The following TPD52L1 variants were observed in gnomAD, a reference collection of about 807,000 sequenced individuals.
TPD52L1 encodes tumor protein D53.
TPD52L1 carries 18 observed loss-of-function variants against 28.7 expected under a neutral mutation model. The observed-to-expected ratio is 0.63, with a 90% CI of 0.43 to 0.93. TPD52L1 has a LOEUF of 0.93. TPD52L1 is among the 40% of genes least tolerant of loss of function. The pLI is 0.00. For missense variants in TPD52L1, 203 were observed against 254.8 expected, an observed-to-expected ratio of 0.80 and a Z score of 1.39; for synonymous variants, 75 against 88.8, an observed-to-expected ratio of 0.84 and a Z score of 0.88.
rs7769781 is a variant in TPD52L1 at position 125,217,528 on chromosome 6, T to C, written c.20-2550T>C. On this transcript the variant is annotated intron_variant, in intron 1 of 6. Coordinates refer to ENST00000534000, the MANE Select transcript of TPD52L1 (RefSeq NM_003287.4). ...GAATCTAATGTTGCTACTGACCTGATGGGAGGCAGAGCTCAGGTGGTAATG... is the reference window on the plus strand; with the variant it reads ...GAATCTAATGTTGCTACTGACCTGACGGGAGGCAGAGCTCAGGTGGTAATG... 4.2e-3 allele frequency among the ~76,000 whole-genome samples: 633 copies of C among 152,214 alleles called. 4 individuals carry two copies. The highest frequency in any genetic ancestry group is 0.014 in the African/African-American group (575 of 41,542).
chr6:125,220,427 A>G (rs1795158446), intron 2 of TPD52L1, among the ~76,000 whole-genome samples: 1 of 152,232 alleles, frequency 6.6e-6, no homozygotes, highest in Admixed American at 6.5e-5. Context: ...TTAAGCAACA[A>G]TAATAACCAG....
At position 125,243,396 on chromosome 6, in the gene TPD52L1, A is replaced by C. The variant is rs150132456; in HGVS notation, c.285-4886A>C. The stretch of plus-strand genomic sequence containing the variant: ...TTTTCCCCAATTATTTCCTCAAATA[A>C]GTTTTCCAAACTAAAATTTTTCTTC... On this transcript the variant is annotated intron_variant, in intron 3 of 6. Transcript: ENST00000534000. Among the ~76,000 whole-genome samples, 252 of 152,236 alleles carry C rather than the reference A, an allele frequency of 1.7e-3. 1 individual carries two copies. The highest frequency in any genetic ancestry group is 6.0e-3 in the African/African-American group (248 of 41,566).
chr6:125,207,828 T>C (rs495191), intron 1 of TPD52L1, among the ~76,000 whole-genome samples: 35,227 of 152,128 alleles, frequency 0.23, 4,966 homozygotes, highest in African/African-American at 0.39. Flanking sequence ...GGCACTGTTG[T>C]GGACTAACTT....
At chr6:125,160,914 C>T (rs947234989) in intron 1 of TPD52L1, among the ~76,000 whole-genome samples, 1 of 149,062 alleles carries the variant, frequency 6.7e-6, no homozygotes, top group African/African-American at 2.5e-5. Flanking sequence ...TGCAGTGGCA[C>T]GATCTTGGCT....
At position 125,253,565 on chromosome 6, in the gene TPD52L1, C is replaced by T. The variant is rs141046056; in HGVS notation, c.387-152C>T. On this transcript the variant is annotated intron_variant, in intron 4 of 6. Coordinates refer to ENST00000534000, the MANE Select transcript of TPD52L1 (RefSeq NM_003287.4). ...AGCTGACTATACCCATTATACCCAA[C>T]AAAAACAAATGTCATCTTGGTTAGA... 242 of 709,486 alleles carry T rather than the reference C, an allele frequency of 3.4e-4. No individual in the cohort carries two copies. In the African/African-American group the frequency reaches 3.9e-3, roughly 11 times the overall value. The allele number at this position is 709,486 out of a possible 1,614,324, so 43.9% of individuals were successfully genotyped here.
At chr6:125,201,007 C>G (rs1302179276) in intron 1 of TPD52L1, among the ~76,000 whole-genome samples, 3 of 152,130 alleles carry the variant, frequency 2.0e-5, no homozygotes, top group Non-Finnish European at 2.9e-5. Context: ...CACATTGTTA[C>G]AGCAATTTGA....
At chr6:125,247,877 A>C (rs557186760) in intron 3 of TPD52L1, among the ~76,000 whole-genome samples, 1 of 152,174 alleles carries the variant, frequency 6.6e-6, no homozygotes, top group African/African-American at 2.4e-5. Context: ...GTAAGCTTAG[A>C]TGTACCTTCA....
At chr6:125,247,018 A>G (rs774654153) in intron 3 of TPD52L1, among the ~76,000 whole-genome samples, 1 of 152,136 alleles carries the variant, frequency 6.6e-6, no homozygotes, top group Non-Finnish European at 1.5e-5. Flanking sequence ...TACCACATTA[A>G]TAAAGTTATT....
intron 1 of TPD52L1, among the ~76,000 whole-genome samples, chr6:125,179,648 T>A (rs75653886): frequency 2.0e-5 from 3 of 152,240 alleles, no homozygotes; most frequent in Non-Finnish European, 2.9e-5. Context: ...CATTTTATCA[T>A]GCCTGTTGTA....
At chr6:125,154,483 C>A in intron 1 of TPD52L1, 1 of 985,726 alleles carries the variant, frequency 1.0e-6, no homozygotes, top group Non-Finnish European at 1.2e-6. Flanking sequence ...GACCCGCCTT[C>A]CGAGGCCAGG....
chr6:125,255,413 CT>C (rs1057211741), intron 5 of TPD52L1, among the ~76,000 whole-genome samples: 10 of 152,164 alleles, frequency 6.6e-5, no homozygotes, highest in African/African-American at 2.2e-4. Context: ...TATAATTTTA[CT>C]AACATTTCAT....
rs112350239 is a variant in TPD52L1, at chr6:125,252,083, G to A, written c.387-1634G>A. 376 of 1,534,946 alleles carry A rather than the reference G, an allele frequency of 2.4e-4. 3 individuals carry two copies. The African/African-American group carries it at 3.9e-3, about 16-fold the overall frequency. ...GTGGGGCTTTCCCCACTCCCTTGCT[G>A]CCCCTTTGCTTTCCAGGGCTCCCTG... On this transcript the variant is annotated intron_variant, in intron 4 of 6. Coordinates refer to ENST00000534000, the MANE Select transcript of TPD52L1 (RefSeq NM_003287.4).
At chr6:125,202,905 A>G (rs1464182309) in intron 1 of TPD52L1, among the ~76,000 whole-genome samples, 2 of 151,466 alleles carry the variant, frequency 1.3e-5, no homozygotes, top group African/African-American at 4.9e-5. Flanking sequence ...AGCTGGGATT[A>G]CAGGCACCCA....
At chr6:125,191,218 T>G (rs1177059238) in intron 1 of TPD52L1, among the ~76,000 whole-genome samples, 1 of 152,222 alleles carries the variant, frequency 6.6e-6, no homozygotes, top group Non-Finnish European at 1.5e-5. Flanking sequence ...CAGCCACGCT[T>G]TCTTTATTCT....
At chr6:125,171,487 C>T (rs772504904) in intron 1 of TPD52L1, among the ~76,000 whole-genome samples, 2 of 152,112 alleles carry the variant, frequency 1.3e-5, no homozygotes, top group South Asian at 2.1e-4. Context: ...AATAAGACTT[C>T]GTTTTAGCAG....
chr6:125,219,683 C>G (rs1383700438), intron 1 of TPD52L1, among the ~76,000 whole-genome samples: 1 of 152,138 alleles, frequency 6.6e-6, no homozygotes, highest in East Asian at 1.9e-4. Context: ...AGGGTGCAGC[C>G]CTTGGGGCCT....
chr6:125,243,139 C>A (rs1796714726), intron 3 of TPD52L1, among the ~76,000 whole-genome samples: 1 of 152,084 alleles, frequency 6.6e-6, no homozygotes, highest in African/African-American at 2.4e-5. Flanking sequence ...GACCCTAATC[C>A]CTTCTGGCTT....
intron 1 of TPD52L1, among the ~76,000 whole-genome samples, chr6:125,174,129 G>T (rs1791680310): frequency 6.6e-6 from 1 of 152,188 alleles, no homozygotes; most frequent in Non-Finnish European, 1.5e-5. Context: ...CAGATGAATT[G>T]CTTATGACTG....
Position 125,261,024 on chromosome 6 carries a change from A to AAAGAAAG in TPD52L1, c.487-1808_487-1807insGAAAGAA, listed in dbSNP as rs71024719. On this transcript the variant is annotated intron_variant, in intron 6 of 6. Coordinates refer to ENST00000534000, the MANE Select transcript of TPD52L1 (RefSeq NM_003287.4). ...AAAGAAAGAAAGAAAGAAAGAAAAGAAAAGAAAGAAAGAAAGAAAGAAAGA... is the reference window on the plus strand; with the variant it reads ...AAAGAAAGAAAGAAAGAAAGAAAAGAAAGAAAGAAAGAAAGAAAGAAAGAAAGAAAGA... 1.3e-4 allele frequency: 4 copies of AAAGAAAG among 30,572 alleles called. 1 individual carries two copies. The highest frequency in any genetic ancestry group is 9.1e-4 in the African/African-American group (4 of 4,392). The allele number at this position is 30,572 out of a possible 1,614,324, so 1.9% of individuals were successfully genotyped here.
Sources: gnomAD v4.1 joint callset for allele counts (sites outside exome capture counted in the v4.1 genomes callset) on GRCh38, gnomAD v4.1.1 for gene constraint, MANE v1.5 for transcripts, NCBI Gene and HGNC (gene_info 2026-07-23, HGNC 2026-07-21) for gene names.